CPA6: variants seen among roughly 807,000 people sequenced by gnomAD.
CPA6 encodes the protein carboxypeptidase B.
Under a neutral mutation model 63.3 loss-of-function variants are expected in CPA6, and 58 were observed. The ratio of observed to expected loss-of-function variants is 0.92; its 90% confidence interval spans 0.74 to 1.14. CPA6 has a LOEUF of 1.14. CPA6 is among the 50% of genes most tolerant of loss of function. The probability of loss-of-function intolerance (pLI) is 0.00; values close to 1 mark genes in which losing one functional copy is unlikely to be tolerated. For missense variants in CPA6, 565 were observed against 526.6 expected, an observed-to-expected ratio of 1.07 and a Z score of -0.71; for synonymous variants, 185 against 179.0, an observed-to-expected ratio of 1.03 and a Z score of -0.27.
intron 1 of CPA6, among the ~76,000 whole-genome samples, chr8:67,655,161 G>T (rs1175300849): frequency 6.6e-6 from 1 of 152,062 alleles, no homozygotes; most frequent in African/African-American, 2.4e-5. Context: ...TTATAACAGG[G>T]ATTCTTACTG....
intron 2 of CPA6, among the ~76,000 whole-genome samples, chr8:67,608,795 T>C (rs115086549): frequency 0.018 from 2,707 of 152,268 alleles, 31 homozygotes; most frequent in African/African-American, 0.036. Flanking sequence ...GGTGGCTGAG[T>C]AAATGAGCCA....
chr8:67,673,827 C>A (rs913024462), intron 1 of CPA6, among the ~76,000 whole-genome samples: 17 of 152,112 alleles, frequency 1.1e-4, no homozygotes, highest in Non-Finnish European at 2.2e-4. Context: ...CTGAAAGCAT[C>A]AGGAGCCTGG....
intron 2 of CPA6, among the ~76,000 whole-genome samples, chr8:67,565,468 C>T (rs528661815): frequency 6.6e-6 from 1 of 152,326 alleles, no homozygotes; most frequent in African/African-American, 2.4e-5. Context: ...CTAAGGACCT[C>T]TCCCACTGCT....
At chr8:67,662,222 C>T (rs1816125686) in intron 1 of CPA6, among the ~76,000 whole-genome samples, 1 of 152,076 alleles carries the variant, frequency 6.6e-6, no homozygotes, top group African/African-American at 2.4e-5. Flanking sequence ...TCTATTTCTT[C>T]TTGGAGGGAG....
At position 67,541,209 on chromosome 8, in the gene CPA6, G is replaced by A. The variant is rs539001521; in HGVS notation, c.193-23162C>T. Among the ~76,000 whole-genome samples the A allele has an allele frequency of 2.6e-4, 39 of 152,260 alleles. No individual in the cohort carries two copies. The East Asian group carries it at 7.0e-3, about 27-fold the overall frequency. ...GGGAATCTCCTGGTCTGTGGGTTGCGAAGACCATGGGGAAAGCACAGTATC... is the reference window on the plus strand; with the variant it reads ...GGGAATCTCCTGGTCTGTGGGTTGCAAAGACCATGGGGAAAGCACAGTATC... On this transcript the variant is annotated intron_variant, in intron 2 of 10. Coordinates refer to ENST00000297770, the MANE Select transcript of CPA6 (RefSeq NM_020361.5).
At chr8:67,656,358 C>T (rs1815984770) in intron 1 of CPA6, among the ~76,000 whole-genome samples, 1 of 152,078 alleles carries the variant, frequency 6.6e-6, no homozygotes, top group South Asian at 2.1e-4. Context: ...TTCCAGTATC[C>T]CATTCTACTC....
intron 1 of CPA6, chr8:67,735,542 T>C (rs554084599): frequency 6.6e-6 from 1 of 152,354 alleles, no homozygotes; most frequent in Admixed American, 6.5e-5. Flanking sequence ...GTCAATTTTG[T>C]GACAGGATGT....
intron 1 of CPA6, among the ~76,000 whole-genome samples, chr8:67,716,261 T>C (rs959169498): frequency 1.3e-5 from 2 of 150,040 alleles, no homozygotes; most frequent in Admixed American, 6.6e-5. Flanking sequence ...TGAGACCTAA[T>C]AGGTTGCATT....
At position 67,459,930 on chromosome 8, in the gene CPA6, G is replaced by T. The variant is rs1446403138; in HGVS notation, c.838+23838C>A. Among the ~76,000 whole-genome samples, 3 of 152,260 alleles carry T rather than the reference G, an allele frequency of 2.0e-5. No individual in the cohort carries two copies. In the East Asian group the frequency reaches 5.8e-4, roughly 29 times the overall value. On this transcript the variant is annotated intron_variant, in intron 8 of 10. Transcript: ENST00000297770. ...ATGCGGGAGGCTATGCATGTGTAGG[G>T]GCAGTAGGTACATGGAAAATCTCCA...
chr8:67,595,443 G>A (rs934793146), intron 2 of CPA6, among the ~76,000 whole-genome samples: 1 of 152,246 alleles, frequency 6.6e-6, no homozygotes, highest in Non-Finnish European at 1.5e-5. Flanking sequence ...AGTCTGCAGA[G>A]GTTACTGCTG....
chr8:67,454,706 T>C (rs948089916), intron 8 of CPA6, among the ~76,000 whole-genome samples: 1 of 152,222 alleles, frequency 6.6e-6, no homozygotes, highest in African/African-American at 2.4e-5. Flanking sequence ...ATCTCTGCAG[T>C]GCAGAGTGGA....
intron 1 of CPA6, among the ~76,000 whole-genome samples, chr8:67,634,144 AT>A (rs1306709441): frequency 5.4e-5 from 8 of 148,600 alleles, no homozygotes; most frequent in Non-Finnish European, 1.2e-4. Flanking sequence ...CAGATATTTC[AT>A]TTTTTTCATT....
At position 67,428,134 on chromosome 8, in the gene CPA6, AT is replaced by A; in HGVS notation, c.1042-4del. The stretch of plus-strand genomic sequence containing the variant: ...ACAGCTTTATAAGCTGCAGATTCCT[AT>A]GAGGGAAAATGGGGAAATTTTATAT... On this transcript the variant is annotated splice_polypyrimidine_tract_variant and splice_region_variant and intron_variant, in intron 9 of 10. Transcript: ENST00000297770. 1 of 1,593,346 alleles carries A rather than the reference AT, an allele frequency of 6.3e-7. No individual in the cohort carries two copies. Among genetic ancestry groups the A allele is most frequent in the Non-Finnish European group, 8.6e-7 (1 of 1,161,688 alleles).
intron 8 of CPA6, among the ~76,000 whole-genome samples, chr8:67,456,365 A>T (rs1165915749): frequency 6.6e-6 from 1 of 152,064 alleles, no homozygotes; most frequent in Non-Finnish European, 1.5e-5. Flanking sequence ...CTGATTGCCC[A>T]AACCAGAAAT....
chr8:67,497,935 AT>A (rs10706697), intron 6 of CPA6, among the ~76,000 whole-genome samples: 152,312 of 152,312 alleles, frequency 1, 76,156 homozygotes, highest in Non-Finnish European at 1. Flanking sequence ...CAAGTGATTC[AT>A]TCCGCCTCAG....
At chr8:67,568,302 T>C (rs1813393839) in intron 2 of CPA6, among the ~76,000 whole-genome samples, 1 of 151,912 alleles carries the variant, frequency 6.6e-6, no homozygotes, top group Non-Finnish European at 1.5e-5. Flanking sequence ...ATGAGAAAGC[T>C]CCAGCAATGG....
chr8:67,432,064 G>T (rs1006954767), intron 9 of CPA6, among the ~76,000 whole-genome samples: 6 of 152,150 alleles, frequency 3.9e-5, no homozygotes, highest in African/African-American at 1.2e-4. Flanking sequence ...AAAACTCCTG[G>T]CATCTCCAGA....
chr8:67,475,839 CTTTCTTT>C (rs1811189196), intron 8 of CPA6, among the ~76,000 whole-genome samples: 5 of 62,130 alleles, frequency 8.0e-5, no homozygotes, highest in African/African-American at 4.1e-4. Flanking sequence ...TTCTTTCTTT[CTTTCTTT>C]CTTTCTTTCT....
chr8:67,648,374 G>T (rs1045020184), intron 1 of CPA6, among the ~76,000 whole-genome samples: 1 of 151,156 alleles, frequency 6.6e-6, no homozygotes, highest in Non-Finnish European at 1.5e-5. Flanking sequence ...GAGAGAGAAG[G>T]GGTAAAGAAC....
Sources: gnomAD v4.1 joint callset for allele counts (sites outside exome capture counted in the v4.1 genomes callset) on GRCh38, gnomAD v4.1.1 for gene constraint, MANE v1.5 for transcripts, NCBI Gene and HGNC (gene_info 2026-07-23, HGNC 2026-07-21) for gene names.